GAS5: variants seen among roughly 807,000 people sequenced by gnomAD.
GAS5 encodes growth arrest specific 5, also known as growth arrest specific 5 (non-protein coding).
chr1:173,866,415 G>A (rs531386003), intron 3 of GAS5: 10 of 570,490 alleles, frequency 1.8e-5, no homozygotes, highest in African/African-American at 1.7e-4. Flanking sequence ...CAATATGAGA[G>A]CAAAATTCTC....
At chr1:173,867,578 T>A (rs1654965583), upstream of GAS5, 3 of 506,396 alleles carry the variant, frequency 5.9e-6, no homozygotes, top group South Asian at 4.2e-5. Flanking sequence ...CTTAAGCACG[T>A]GGACTACCAC....
chr1:173,864,427 AATC>A (rs769367790), intron 6 of GAS5: 8 of 518,874 alleles, frequency 1.5e-5, no homozygotes, highest in African/African-American at 1.5e-4. Context: ...CATTTGGCAG[AATC>A]ATTACATCAT....
intron 6 of GAS5, chr1:173,864,557 T>G (rs544235520): frequency 2.1e-5 from 8 of 386,914 alleles, no homozygotes; most frequent in South Asian, 1.5e-4. Context: ...CTACTCAATT[T>G]CCTTCTCAGT....
chr1:173,865,894 C>T, exon 5 of GAS5: 1 of 518,902 alleles, frequency 1.9e-6, no homozygotes, highest in Non-Finnish European at 3.8e-6. Flanking sequence ...TTGGACTCCA[C>T]CTAAGAAATA....
At chr1:173,865,206 A>G in intron 6 of GAS5, 1 of 336,538 alleles carries the variant, frequency 3.0e-6, no homozygotes, top group Non-Finnish European at 5.8e-6. Flanking sequence ...AAAAAAAAAA[A>G]AAAATACTTG....
intron 6 of GAS5, chr1:173,864,456 T>C (rs933725632): frequency 3.9e-6 from 2 of 517,552 alleles, no homozygotes; most frequent in Non-Finnish European, 7.7e-6. Flanking sequence ...ACACTGAAAA[T>C]CATCACATGT....
chr1:173,865,856 C>A (rs947172199), intron 5 of GAS5: 2 of 515,360 alleles, frequency 3.9e-6, no homozygotes, highest in Non-Finnish European at 7.7e-6. Flanking sequence ...TTAATACTTA[C>A]CAGAACCATT....
At chr1:173,865,827 AGTCT>A (rs1654509705) in intron 5 of GAS5, 2 of 511,988 alleles carry the variant, frequency 3.9e-6, no homozygotes, top group South Asian at 2.8e-5. Context: ...ATTTTCATTA[AGTCT>A]ATCTACTGTT....
At chr1:173,866,567 C>T (rs1352287807) in exon 3 of GAS5, 3 of 754,922 alleles carry the variant, frequency 4.0e-6, no homozygotes, top group Admixed American at 3.4e-5. Flanking sequence ...CTCTTTAGGA[C>T]CTGGGAAGAA....
intron 6 of GAS5, chr1:173,864,959 CT>C: frequency 2.0e-6 from 1 of 510,942 alleles, no homozygotes. Context: ...TGGCTCACGC[CT>C]GTAATCCCAG....
At chr1:173,865,351 TGTTTCA>T (rs759497589) in intron 6 of GAS5, 11 of 507,782 alleles carry the variant, frequency 2.2e-5, no homozygotes, top group African/African-American at 5.8e-5. Context: ...TCCCAACTAC[TGTTTCA>T]GTTTAAGATT....
chr1:173,867,370 G>A (rs1654910986), upstream of GAS5: 1 of 370,478 alleles, frequency 2.7e-6, no homozygotes, highest in East Asian at 6.1e-5. Flanking sequence ...AAATATAAAA[G>A]CCTAGCATGG....
At chr1:173,864,306 T>C (rs1654213433) in intron 6 of GAS5, 26 of 514,242 alleles carry the variant, frequency 5.1e-5, no homozygotes, top group South Asian at 3.6e-4. Context: ...TTAAAAACCC[T>C]GAAAGCGAAG....
At chr1:173,866,035 T>G (rs1473142478) in intron 4 of GAS5, 1 of 519,090 alleles carries the variant, frequency 1.9e-6, no homozygotes. Flanking sequence ...CAGGCTGCAT[T>G]TACAAACTTT....
intron 1 of GAS5, chr1:173,866,820 A>G: frequency 2.6e-6 from 2 of 765,032 alleles, no homozygotes; most frequent in Admixed American, 1.7e-5. Flanking sequence ...AGATGCAAGC[A>G]AAACAGTGAG....
intron 6 of GAS5, chr1:173,864,507 C>A: frequency 2.1e-6 from 1 of 467,158 alleles, no homozygotes; most frequent in South Asian, 1.6e-5. Flanking sequence ...ACAGGTCTGC[C>A]TGTTTGAAGA....
upstream of GAS5, chr1:173,868,306 G>A (rs1655138332): frequency 6.5e-6 from 1 of 152,832 alleles, no homozygotes; most frequent in Non-Finnish European, 1.5e-5. Flanking sequence ...AAGGCTGAGT[G>A]ATTTCCTTCC....
At chr1:173,867,118 G>T (rs968596482), upstream of GAS5, 17 of 601,956 alleles carry the variant, frequency 2.8e-5, no homozygotes, top group Admixed American at 9.0e-5. Flanking sequence ...TTAAAAAAAC[G>T]GTTCGTCTTT....
chr1:173,866,631 G>A, intron 2 of GAS5: 1 of 763,944 alleles, frequency 1.3e-6, no homozygotes. Context: ...TCACCATTTT[G>A]GGTGCCTCAG....
Sources: allele counts gnomAD v4.1 joint callset, GRCh38; gene constraint gnomAD v4.1.1; transcripts MANE v1.5; gene names NCBI Gene and HGNC (gene_info 2026-07-23, HGNC 2026-07-21).